The following ERBB4 variants were observed in gnomAD, a reference collection of about 807,000 sequenced individuals.
The protein encoded by ERBB4 is erb-b2 receptor tyrosine kinase 4.
In ERBB4, 42 loss-of-function variants were observed where a neutral mutation model predicts 158.0. The ratio of observed to expected loss-of-function variants is 0.27; its 90% CI spans 0.21 to 0.34. The LOEUF (loss-of-function observed/expected upper bound fraction) is 0.34. Among genes scored for constraint, ERBB4 ranks in the 10% least tolerant of loss-of-function variants. ERBB4 has a pLI of 1.00. For missense variants in ERBB4, 1,333 were observed against 1,624.1 expected (o/e 0.82, Z 3.08); for synonymous variants, 583 against 558.7 (o/e 1.04, Z -0.61).
intron 20 of ERBB4, among the ~76,000 whole-genome samples, chr2:211,449,482 C>T (rs974898233): frequency 6.6e-6 from 1 of 152,192 alleles, no homozygotes; most frequent in African/African-American, 2.4e-5. Flanking sequence ...GCTAATTGTT[C>T]TTTTCTGCTG....
intron 16 of ERBB4, among the ~76,000 whole-genome samples, chr2:211,633,482 A>T (rs369580305): frequency 1.6e-5 from 2 of 127,226 alleles, no homozygotes; most frequent in African/African-American, 5.8e-5. Context: ...GTATTTTCTA[A>T]TTTTTTTTTT....
chr2:212,385,676 A>G (rs2090652473), intron 1 of ERBB4, among the ~76,000 whole-genome samples: 1 of 151,810 alleles, frequency 6.6e-6, no homozygotes, highest in Non-Finnish European at 1.5e-5. Flanking sequence ...ACAAGAGAAA[A>G]AGTAGTTATG....
intron 1 of ERBB4, among the ~76,000 whole-genome samples, chr2:212,465,950 A>T (rs1574972371): frequency 6.6e-6 from 1 of 152,206 alleles, no homozygotes; most frequent in Admixed American, 6.5e-5. Flanking sequence ...ATAGCTAATA[A>T]GTTAAGCTCT....
At chr2:212,424,407 A>C (rs910505824) in intron 1 of ERBB4, among the ~76,000 whole-genome samples, 1 of 152,080 alleles carries the variant, frequency 6.6e-6, no homozygotes, top group Non-Finnish European at 1.5e-5. Context: ...GCTATTCCCC[A>C]TGCACATATA....
At chr2:212,189,362 C>A (rs1359913872) in intron 1 of ERBB4, among the ~76,000 whole-genome samples, 1 of 152,128 alleles carries the variant, frequency 6.6e-6, no homozygotes, top group Non-Finnish European at 1.5e-5. Flanking sequence ...GTTGTCATTT[C>A]TTCTGCTTAT....
chr2:212,191,951 ATATATGTTATATATGT>A (rs1365029334), intron 1 of ERBB4, among the ~76,000 whole-genome samples: 3,278 of 135,566 alleles, frequency 0.024, 143 homozygotes, highest in African/African-American at 0.073. Context: ...TGCATATGTT[ATATATGTTATATATGT>A]TATATGTTAT....
intron 2 of ERBB4, among the ~76,000 whole-genome samples, chr2:212,117,565 C>T (rs940306480): frequency 6.6e-6 from 1 of 152,132 alleles, no homozygotes; most frequent in Non-Finnish European, 1.5e-5. Context: ...AAATATACCA[C>T]TTCATTATCT....
At chr2:211,970,114 A>G (rs1027460177) in intron 2 of ERBB4, among the ~76,000 whole-genome samples, 15 of 152,112 alleles carry the variant, frequency 9.9e-5, no homozygotes, top group Non-Finnish European at 1.8e-4. Context: ...ATTAGTTTCA[A>G]AAACTTCTTG....
chr2:211,492,324 T>A (rs1252296030), intron 20 of ERBB4, among the ~76,000 whole-genome samples: 1 of 152,152 alleles, frequency 6.6e-6, no homozygotes, highest in Non-Finnish European at 1.5e-5. Context: ...AAAGTTTAAA[T>A]CTTGGCCCTT....
At chr2:211,524,160 A>G (rs2066269439) in intron 20 of ERBB4, among the ~76,000 whole-genome samples, 1 of 151,928 alleles carries the variant, frequency 6.6e-6, no homozygotes, top group Admixed American at 6.5e-5. Context: ...AAGTTTCTCT[A>G]AGGCCCCACC....
intron 20 of ERBB4, among the ~76,000 whole-genome samples, chr2:211,448,800 G>A (rs193123818): frequency 1.4e-4 from 21 of 152,204 alleles, no homozygotes; most frequent in Non-Finnish European, 2.9e-4. Flanking sequence ...TGTTAACACT[G>A]AGGTCATGCA....
At chr2:212,113,632 GA>G (rs1320788923) in intron 2 of ERBB4, among the ~76,000 whole-genome samples, 1 of 149,608 alleles carries the variant, frequency 6.7e-6, no homozygotes, top group Non-Finnish European at 1.5e-5. Flanking sequence ...TTTGTTACTG[GA>G]GGGATTCTCA....
rs1364421524 is a variant in ERBB4, at chr2:211,893,352, G to A, written c.421+54078C>T. ...TAAATGGTGCTGGGAAAACTGGCTA[G>A]CCATATGTAGAAAGCTGAAACTGGA... On this transcript the variant is annotated intron_variant, in intron 3 of 27. Transcript: ENST00000342788. 2.8e-5 allele frequency among the ~76,000 whole-genome samples: 4 copies of A among 143,938 alleles called. No individual in the cohort carries two copies. The South Asian group carries it at 6.3e-4, about 23-fold the overall frequency. The allele number at this position is 143,938 out of a possible 152,430, so 94.4% of individuals were successfully genotyped here. A position where few individuals can be genotyped will look rare whatever the true frequency, so the allele number is the denominator to read the frequency against.
intron 19 of ERBB4, among the ~76,000 whole-genome samples, chr2:211,576,658 G>A (rs1192436231): frequency 6.6e-6 from 1 of 152,002 alleles, no homozygotes; most frequent in Non-Finnish European, 1.5e-5. Flanking sequence ...TTATTAAAAA[G>A]ACATATATCC....
chr2:211,713,220 G>A (rs1334388431), intron 8 of ERBB4, among the ~76,000 whole-genome samples: 4 of 152,032 alleles, frequency 2.6e-5, no homozygotes, highest in East Asian at 3.9e-4. Context: ...CAACATAACC[G>A]TGTGAACTCT....
intron 20 of ERBB4, among the ~76,000 whole-genome samples, chr2:211,455,113 A>G (rs1450579178): frequency 6.6e-6 from 1 of 152,230 alleles, no homozygotes; most frequent in African/African-American, 2.4e-5. Context: ...CCCCAATAAA[A>G]TTCATTAGCA....
intron 2 of ERBB4, among the ~76,000 whole-genome samples, chr2:212,022,022 A>G (rs900074010): frequency 2.0e-5 from 3 of 152,160 alleles, no homozygotes; most frequent in Non-Finnish European, 2.9e-5. Flanking sequence ...TCAAGAAACA[A>G]CAGATGCTGG....
intron 3 of ERBB4, among the ~76,000 whole-genome samples, chr2:211,837,902 A>G (rs1271631570): frequency 6.6e-6 from 1 of 152,048 alleles, no homozygotes; most frequent in Non-Finnish European, 1.5e-5. Context: ...CATATTCTTG[A>G]AGAAACTTCT....
intron 3 of ERBB4, among the ~76,000 whole-genome samples, chr2:211,905,705 T>G: frequency 7.6e-6 from 1 of 132,076 alleles, no homozygotes; most frequent in Admixed American, 7.9e-5. Flanking sequence ...TGTGTGTATG[T>G]GTGTGTATAT....
Sources: allele counts gnomAD v4.1 joint callset (sites outside exome capture counted in the v4.1 genomes callset), GRCh38; gene constraint gnomAD v4.1.1; transcripts MANE v1.5; gene names NCBI Gene and HGNC (gene_info 2026-07-23, HGNC 2026-07-21).